KLF11: variants seen among roughly 807,000 people sequenced by gnomAD.
KLF11 encodes the protein Krueppel-like factor 11.
Under a neutral mutation model 29.9 loss-of-function variants are expected in KLF11, and 26 were observed. That is an observed-to-expected ratio of 0.87 (90% CI 0.64 to 1.21). KLF11 has a LOEUF of 1.21. KLF11 is among the 50% of genes most tolerant of loss of function. KLF11 has a pLI of 0.00. For synonymous variants in KLF11, 318 were observed against 257.4 expected, an observed-to-expected ratio of 1.24 and a Z score of -2.25; for missense variants, 778 against 665.7, an observed-to-expected ratio of 1.17 and a Z score of -1.86.
chr2:10,046,040 G>T, intron 1 of KLF11, 110 bp from the exon 2 acceptor site: 2 of 1,202,442 alleles, frequency 1.7e-6, no homozygotes, highest in South Asian at 2.4e-5. Flanking sequence ...ACTATTGCAT[G>T]TGCATTACAT....
intron 3 of KLF11, among the ~76,000 whole-genome samples, chr2:10,048,929 TTAAAGA>T (rs1276790773): frequency 4.7e-4 from 66 of 141,750 alleles, no homozygotes; most frequent in African/African-American, 1.3e-3. Flanking sequence ...TTTTTTTTTT[TTAAAGA>T]AAACATGCAT....
intron 1 of KLF11, among the ~76,000 whole-genome samples, chr2:10,045,923 C>T (rs367633966): frequency 6.6e-6 from 1 of 152,374 alleles, no homozygotes; most frequent in Admixed American, 6.5e-5. Context: ...TTTTTGGTGG[C>T]AACGCTTGCC....
chr2:10,053,193 C>T lies in KLF11; in HGVS notation c.*686C>T, dbSNP rs983410623. The T allele has an allele frequency of 7.5e-6, 3 of 399,304 alleles. No individual in the cohort carries two copies. Among genetic ancestry groups the T allele is most frequent in the Admixed American group, 4.4e-5 (1 of 22,768 alleles). The allele number at this position is 399,304 out of a possible 1,614,324, so 24.7% of individuals were successfully genotyped here. ...GAACTAAAATTTTGGTTGACTGGAA[C>T]TAGTGAGCTGTGTCCATGGTGTGTC... On this transcript the variant is annotated 3_prime_UTR_variant, in exon 4 of 4. Transcript: ENST00000305883.
At position 10,047,774 on chromosome 2, in the gene KLF11, C is replaced by T. The variant is rs148968483; in HGVS notation, c.437C>T (p.Ala146Val). Residue 146 changes from alanine to valine, a missense_variant, in exon 3 of 4, where the codon GCC becomes GTC. Physicochemically the swap from Ala to Val is moderately conservative, Grantham distance 64. Transcript: ENST00000305883. Reference sequence around the variant, plus strand: ...GTTCTCCAGTCCTCTGCCGTAGTGGCCAGAGCTCTGAGCGGGGGCGCGGAG... The same window carrying T: ...GTTCTCCAGTCCTCTGCCGTAGTGGTCAGAGCTCTGAGCGGGGGCGCGGAG... Reference protein sequence around the residue: ...TDVLQSSAVVARALSGGAERG... With the variant: ...TDVLQSSAVVVRALSGGAERG... 5.9e-5 allele frequency: 95 copies of T among 1,613,724 alleles called. No individual in the cohort carries two copies. Among genetic ancestry groups the T allele is most frequent in the Admixed American group, 4.5e-4 (27 of 60,014 alleles).
chr2:10,044,285 C>T (rs939393166), intron 1 of KLF11: 3 of 984,446 alleles, frequency 3.0e-6, no homozygotes, highest in South Asian at 4.7e-5. Flanking sequence ...GCCGCACTGC[C>T]TTGGAGGCGG....
chr2:10,046,016 G>A, intron 1 of KLF11, 134 bp from the exon 2 acceptor site: 2 of 1,022,424 alleles, frequency 2.0e-6, no homozygotes, highest in Non-Finnish European at 3.1e-6. Flanking sequence ...ACACCTCGGT[G>A]TTTGTTGCTA....
Position 10,043,714 on chromosome 2 carries a change from A to T in KLF11, c.-3A>T. 8 of 1,358,622 alleles carry T rather than the reference A, an allele frequency of 5.9e-6. No homozygotes were observed. Among genetic ancestry groups the T allele is most frequent in the Non-Finnish European group, 7.7e-6 (8 of 1,040,032 alleles). 84.2% of individuals were successfully genotyped at this position (1,358,622 alleles called of 1,614,324 possible). A position where few individuals can be genotyped will look rare whatever the true frequency, so the allele number is the denominator to read the frequency against. ...GCTTTGTTGCTCCCGGCCGGCCTGC[A>T]CGATGCACACGCCGGACTTCGCAGG... On this transcript the variant is annotated 5_prime_UTR_variant, in exon 1 of 4. Transcript: ENST00000305883.
intron 3 of KLF11, among the ~76,000 whole-genome samples, chr2:10,051,689 T>C (rs574439932): frequency 1.7e-4 from 26 of 151,852 alleles, no homozygotes; most frequent in Admixed American, 1.6e-3. Context: ...GGCTAGTTTT[T>C]TGTATTTTTA....
At chr2:10,045,577 G>A (rs1398476306) in intron 1 of KLF11, among the ~76,000 whole-genome samples, 1 of 152,240 alleles carries the variant, frequency 6.6e-6, no homozygotes, top group African/African-American at 2.4e-5. Flanking sequence ...CCTTGGGACA[G>A]TAACAGATGA....
chr2:10,046,889 T>G (rs1661223437), intron 2 of KLF11, among the ~76,000 whole-genome samples: 1 of 152,210 alleles, frequency 6.6e-6, no homozygotes, highest in African/African-American at 2.4e-5. Flanking sequence ...AAAGAAACTT[T>G]TCTTTCATTT....
At chr2:10,046,959 C>G (rs1661226125) in intron 2 of KLF11, among the ~76,000 whole-genome samples, 1 of 152,128 alleles carries the variant, frequency 6.6e-6, no homozygotes, top group African/African-American at 2.4e-5. Flanking sequence ...GGTTAATGTC[C>G]GTGGGATGAA....
chr2:10,044,944 G>C (rs1661142990), intron 1 of KLF11, among the ~76,000 whole-genome samples: 1 of 152,148 alleles, frequency 6.6e-6, no homozygotes. Flanking sequence ...CCGGGCTTTC[G>C]AGACCAGCTT....
In KLF11 at chr2:10,047,795, C is replaced by T. The variant is rs768653861; in HGVS notation, c.458C>T (p.Ala153Val). The T allele has an allele frequency of 2.9e-5, 46 of 1,613,628 alleles. No homozygotes were observed. In the South Asian group the frequency reaches 3.2e-4, roughly 11 times the overall value. The part of the protein sequence containing the change: ...AVVARALSGG[A>V]ERGLLGLEPV... ...GTGGCCAGAGCTCTGAGCGGGGGCG[C>T]GGAGAGGGGCTTGCTGGGTTTGGAG... is the stretch of plus-strand genomic sequence containing the variant. Residue 153 changes from alanine (A) to valine (V), a missense_variant, in exon 3 of 4, where the codon GCG (alanine) becomes GTG (valine). Ala to Val is a moderately conservative substitution (Grantham distance 64). Transcript: ENST00000305883.
In KLF11 at chr2:10,052,701, G is replaced by GC; in HGVS notation, c.*194_*195insC. ...GGGACCCTGTTCAGTATCTTTTGTA[G>GC]TTTCAGAAGTTTTTTTGTTTTGGTT... On this transcript the variant is annotated 3_prime_UTR_variant, in exon 4 of 4. Transcript: ENST00000305883. 4.1e-6 allele frequency: 2 copies of GC among 487,264 alleles called. No individual in the cohort carries two copies. Among genetic ancestry groups the GC allele is most frequent in the South Asian group, 3.9e-5 (1 of 25,580 alleles). 30.2% of individuals were successfully genotyped at this position (487,264 alleles called of 1,614,324 possible).
In KLF11 at chr2:10,052,483, G is replaced by A. The variant is rs1395251339; in HGVS notation, c.1515G>A (p.Leu505=). ...CTGCAGAGAGCCCGGGGAGCCCACTGGTGAGCATGCCAGCCTCTGCCTGAA... is the reference window on the plus strand; with the variant it reads ...CTGCAGAGAGCCCGGGGAGCCCACTAGTGAGCATGCCAGCCTCTGCCTGAA... The part of the protein sequence containing the change: ...IASAESPGSP[L]VSMPASA The change falls in exon 4 of 4, where the codon CTG becomes CTA. Residue 505 remains leucine (L), a synonymous_variant. Transcript: ENST00000305883. The A allele has an allele frequency of 5.0e-6, 8 of 1,613,860 alleles. No individual in the cohort carries two copies. The African/African-American group carries it at 1.1e-4, about 22-fold the overall frequency.
chr2:10,044,070 G>A (rs377128217), intron 1 of KLF11: 3 of 712,242 alleles, frequency 4.2e-6, no homozygotes, highest in East Asian at 1.3e-4. Flanking sequence ...CCTGTGAGCC[G>A]GACGGCCGTT....
intron 1 of KLF11, 35 bp downstream of exon 1, chr2:10,043,793 T>G: frequency 7.4e-7 from 1 of 1,352,444 alleles, no homozygotes. Flanking sequence ...GGACTACTCG[T>G]CTGAGCGAGG....
chr2:10,046,112 C>T (rs1192904943), intron 1 of KLF11, 38 bp from the exon 2 acceptor site: 1 of 1,612,328 alleles, frequency 6.2e-7, no homozygotes, highest in South Asian at 1.1e-5. Context: ...TCTGTATTTC[C>T]CCTGCACTGA....
chr2:10,047,680 G>T lies in KLF11; in HGVS notation c.343G>T (p.Val115Leu). The T allele has an allele frequency of 6.2e-7, 1 of 1,613,140 alleles. No individual in the cohort carries two copies. Among genetic ancestry groups the T allele is most frequent in the Non-Finnish European group, 8.5e-7 (1 of 1,179,990 alleles). Reference sequence around the variant, plus strand: ...AACTCCTCCTCAGAGCCCTGATCTCGTGGAGCCATCGACAAGGACACCTGT... The same window carrying T: ...AACTCCTCCTCAGAGCCCTGATCTCTTGGAGCCATCGACAAGGACACCTGT... ...CITPPQSPDLVEPSTRTPVSP... is the reference protein window; with the variant it reads ...CITPPQSPDLLEPSTRTPVSP... Residue 115 changes from valine to leucine, a missense_variant, in exon 3 of 4, where the codon GTG (valine) becomes TTG (leucine). Transcript: ENST00000305883.
Sources: allele counts gnomAD v4.1 joint callset (sites outside exome capture counted in the v4.1 genomes callset), GRCh38; gene constraint gnomAD v4.1.1; transcripts MANE v1.5; gene names NCBI Gene and HGNC (gene_info 2026-07-23, HGNC 2026-07-21).